The following FGF7 variants were observed in gnomAD, a reference collection of about 807,000 sequenced individuals.
FGF7 encodes fibroblast growth factor 7, also known as FGF-7.
A neutral mutation model predicts 20.5 loss-of-function variants in FGF7; 6 were observed. That is an observed-to-expected ratio of 0.29 (90% CI 0.16 to 0.58). FGF7 has a LOEUF of 0.58. Among genes scored for constraint, FGF7 ranks in the 20% least tolerant of loss-of-function variants. FGF7 has a pLI of 0.90. For synonymous variants in FGF7, 64 were observed against 74.7 expected (o/e 0.86, Z 0.74); for missense variants, 144 against 228.8 (o/e 0.63, Z 2.39).
rs190085424 is a variant in FGF7, at chr15:49,485,512, C to T, written c.*1008C>T. On this transcript the variant is annotated 3_prime_UTR_variant, in exon 4 of 4. Coordinates refer to ENST00000267843, the MANE Select transcript of FGF7 (RefSeq NM_002009.4). ...TAATAAGCTGTATCTGTTTCATATG[C>T]TTTTAATTTTAAAGGAATAACAAAA... The T allele has an allele frequency of 2.0e-5, 3 of 152,096 alleles. No individual in the cohort carries two copies. Among genetic ancestry groups the T allele is most frequent in the African/African-American group, 7.3e-5 (3 of 41,290 alleles). 9.4% of individuals were successfully genotyped at this position (152,096 alleles called of 1,614,324 possible).
At chr15:49,482,251 T>G (rs2056020892) in intron 2 of FGF7, among the ~76,000 whole-genome samples, 1 of 152,078 alleles carries the variant, frequency 6.6e-6, no homozygotes, top group Non-Finnish European at 1.5e-5. Context: ...TTTACTTTAT[T>G]TAGTGTGTCA....
At chr15:49,482,938 A>AC (rs200699666) in intron 2 of FGF7, among the ~76,000 whole-genome samples, 4,467 of 152,148 alleles carry the variant, frequency 0.029, 223 homozygotes, top group African/African-American at 0.1. Flanking sequence ...TTTCTACAAA[A>AC]TAAAAAACCA....
At chr15:49,454,761 C>T (rs973239239) in intron 2 of FGF7, among the ~76,000 whole-genome samples, 2 of 152,162 alleles carry the variant, frequency 1.3e-5, no homozygotes, top group African/African-American at 2.4e-5. Context: ...AGGCGCGTGC[C>T]ACCATGCCCC....
intron 2 of FGF7, among the ~76,000 whole-genome samples, chr15:49,454,721 T>C (rs1419332794): frequency 6.6e-6 from 1 of 152,202 alleles, no homozygotes; most frequent in Non-Finnish European, 1.5e-5. Flanking sequence ...GCGATTCTCC[T>C]GCCTCAGCCT....
At chr15:49,443,496 G>A (rs1262459155) in intron 2 of FGF7, among the ~76,000 whole-genome samples, 1 of 151,564 alleles carries the variant, frequency 6.6e-6, no homozygotes, top group East Asian at 1.9e-4. Flanking sequence ...CTACATTTAA[G>A]CGAATGATAC....
rs1289671020 is a variant in FGF7 at position 49,423,269 on chromosome 15, C to T, written c.-438C>T. 6.6e-6 allele frequency: 1 copy of T among 152,154 alleles called. No individual in the cohort carries two copies. The highest frequency in any genetic ancestry group is 2.4e-5 in the African/African-American group (1 of 41,420). 9.4% of individuals were successfully genotyped at this position (152,154 alleles called of 1,614,324 possible). ...ACACACACACAAGCACACACGCGCT[C>T]ACACACAGAGAGAAAATCCTTCTGC... On this transcript the variant is annotated 5_prime_UTR_variant, in exon 1 of 4. Coordinates refer to ENST00000267843, the MANE Select transcript of FGF7 (RefSeq NM_002009.4).
chr15:49,443,497 C>T (rs186374805), intron 2 of FGF7, among the ~76,000 whole-genome samples: 1 of 151,488 alleles, frequency 6.6e-6, no homozygotes, highest in East Asian at 1.9e-4. Flanking sequence ...TACATTTAAG[C>T]GAATGATACA....
chr15:49,465,916 G>C (rs2054227494), intron 2 of FGF7, among the ~76,000 whole-genome samples: 1 of 152,076 alleles, frequency 6.6e-6, no homozygotes, highest in African/African-American at 2.4e-5. Context: ...CATTTATTGA[G>C]GGTGTGTCAA....
At chr15:49,455,774 G>A (rs778527062) in intron 2 of FGF7, among the ~76,000 whole-genome samples, 1 of 152,056 alleles carries the variant, frequency 6.6e-6, no homozygotes, top group East Asian at 1.9e-4. Context: ...CTTTGGGTAT[G>A]GTCAATAGAA....
chr15:49,459,006 TCTATTA>T (rs1190835516), intron 2 of FGF7, among the ~76,000 whole-genome samples: 2 of 152,182 alleles, frequency 1.3e-5, no homozygotes, highest in East Asian at 3.8e-4. Flanking sequence ...GTCCTTCATT[TCTATTA>T]AAAAACACAC....
intron 2 of FGF7, among the ~76,000 whole-genome samples, chr15:49,464,463 T>A (rs1342888283): frequency 6.6e-6 from 1 of 152,210 alleles, no homozygotes; most frequent in Non-Finnish European, 1.5e-5. Context: ...AGTTTGTAGG[T>A]TGGGCTAACA....
intron 2 of FGF7, among the ~76,000 whole-genome samples, chr15:49,456,153 T>C (rs2053264848): frequency 6.6e-6 from 1 of 152,150 alleles, no homozygotes; most frequent in Non-Finnish European, 1.5e-5. Context: ...ATTGAGATTT[T>C]TTTCAGTTTT....
At chr15:49,484,128 C>CT (rs1371513779) in intron 3 of FGF7, among the ~76,000 whole-genome samples, 182 bp from the exon 4 acceptor site, 1 of 151,812 alleles carries the variant, frequency 6.6e-6, no homozygotes, top group African/African-American at 2.4e-5. Context: ...TTTAAGATAC[C>CT]TTTTTATGCA....
chr15:49,424,748 A>C, intron 2 of FGF7, 165 bp downstream of exon 2: 1 of 521,542 alleles, frequency 1.9e-6, no homozygotes, highest in Non-Finnish European at 3.2e-6. Context: ...CCCTAAAAAT[A>C]TCTCTTTTAA....
chr15:49,474,887 G>A (rs544373172), intron 2 of FGF7, among the ~76,000 whole-genome samples: 4 of 152,176 alleles, frequency 2.6e-5, no homozygotes, highest in South Asian at 4.2e-4. Flanking sequence ...ACCTCCCCCC[G>A]GCTCCCGTCC....
intron 2 of FGF7, among the ~76,000 whole-genome samples, chr15:49,434,820 G>A (rs1159487046): frequency 2.6e-5 from 4 of 151,188 alleles, no homozygotes; most frequent in East Asian, 3.9e-4. Context: ...TCTGGCAAGG[G>A]AAAACATCAA....
intron 2 of FGF7, among the ~76,000 whole-genome samples, chr15:49,474,732 C>T (rs1342518507): frequency 6.6e-6 from 1 of 152,102 alleles, no homozygotes; most frequent in Non-Finnish European, 1.5e-5. Flanking sequence ...AGCATTCCAC[C>T]TCCTGTCAGA....
intron 2 of FGF7, among the ~76,000 whole-genome samples, chr15:49,431,632 A>G (rs1166183813): frequency 6.6e-6 from 1 of 151,770 alleles, no homozygotes; most frequent in Non-Finnish European, 1.5e-5. Context: ...TGGAGTGGTC[A>G]TGAGTACTTG....
At chr15:49,462,918 A>C (rs1017389816) in intron 2 of FGF7, among the ~76,000 whole-genome samples, 1 of 152,218 alleles carries the variant, frequency 6.6e-6, no homozygotes, top group African/African-American at 2.4e-5. Context: ...TTATACATTC[A>C]ATTTTGGCAG....
Sources: gnomAD v4.1 joint callset for allele counts (sites outside exome capture counted in the v4.1 genomes callset) on GRCh38, gnomAD v4.1.1 for gene constraint, MANE v1.5 for transcripts, NCBI Gene and HGNC (gene_info 2026-07-23, HGNC 2026-07-21) for gene names.